The following LHX1 variants were observed in gnomAD, a reference collection of about 807,000 sequenced individuals.
LHX1 encodes LIM homeobox 1, also known as LIM/homeobox protein Lhx1.
A neutral mutation model predicts 34.1 loss-of-function variants in LHX1; 9 were observed. That is an observed-to-expected ratio of 0.26 (90% confidence interval 0.16 to 0.46). The LOEUF (loss-of-function observed/expected upper bound fraction) is 0.46, where lower values mean the gene tolerates loss of function less well. LHX1 is among the 20% of genes least tolerant of loss of function. The probability of loss-of-function intolerance (pLI) is 1.00; values close to 1 mark genes in which losing one functional copy is unlikely to be tolerated. For synonymous variants in LHX1, 254 were observed against 241.5 expected, an observed-to-expected ratio of 1.05 and a Z score of -0.48; for missense variants, 446 against 559.1, an observed-to-expected ratio of 0.80 and a Z score of 2.04.
chr17:36,944,280 A>G lies in LHX1; in HGVS notation c.*1149A>G, dbSNP rs1227653690. 1 of 151,808 alleles carries G rather than the reference A, an allele frequency of 6.6e-6. No homozygotes were observed. Among genetic ancestry groups the G allele is most frequent in the African/African-American group, 2.4e-5 (1 of 41,174 alleles). 9.4% of individuals were successfully genotyped at this position (151,808 alleles called of 1,614,324 possible). ...AGAAAGTGTTAAAAAAAAAAAAAAAAAAGTGTTACAAGATTTAAAAAAAAA... is the reference window on the plus strand; with the variant it reads ...AGAAAGTGTTAAAAAAAAAAAAAAAGAAGTGTTACAAGATTTAAAAAAAAA... On this transcript the variant is annotated 3_prime_UTR_variant, in exon 5 of 5. Transcript: ENST00000614239.
rs1597687193 is a variant in LHX1, at chr17:36,937,669, T to C, written c.-529T>C. On this transcript the variant is annotated 5_prime_UTR_variant, in exon 1 of 5. Coordinates refer to ENST00000614239, the MANE Select transcript of LHX1 (RefSeq NM_005568.5). Reference sequence around the variant, plus strand: ...AAAAAGAGGGGGGAAATCCCAGTGGTGGGCAGCCTGGCACGCACACAGTCG... The same window carrying C: ...AAAAAGAGGGGGGAAATCCCAGTGGCGGGCAGCCTGGCACGCACACAGTCG... The C allele has an allele frequency of 1.1e-5, 4 of 374,344 alleles. No homozygotes were observed. The highest frequency in any genetic ancestry group is 2.1e-5 in the Non-Finnish European group (4 of 188,166). 23.2% of individuals were successfully genotyped at this position (374,344 alleles called of 1,614,324 possible). A position where few individuals can be genotyped will look rare whatever the true frequency, so the allele number is the denominator to read the frequency against.
chr17:36,938,493 T>C (rs2070744053), intron 1 of LHX1, 126 bp downstream of exon 1: 2 of 958,666 alleles, frequency 2.1e-6, no homozygotes, highest in African/African-American at 3.2e-5. Flanking sequence ...GGCAGCCAAG[T>C]CCCGCGGGCG....
At chr17:36,942,604 T>C in intron 4 of LHX1, 148 bp from the exon 5 acceptor site, 2 of 1,006,768 alleles carry the variant, frequency 2.0e-6, no homozygotes, top group Non-Finnish European at 2.8e-6. Context: ...GCCTCCTCCC[T>C]GCACCCAGGC....
In LHX1 at chr17:36,940,148, T is replaced by C. The variant is rs1049042217; in HGVS notation, c.171-142T>C. On this transcript the variant is annotated intron_variant, in intron 1 of 4. Coordinates refer to ENST00000614239, the MANE Select transcript of LHX1 (RefSeq NM_005568.5). The stretch of plus-strand genomic sequence containing the variant: ...CTCTTTATCTCTCTCTTCCCTTCTT[T>C]CTGTGCTCCATTCCTCCTCTCCTAC... 6.2e-6 allele frequency: 4 copies of C among 647,454 alleles called. No homozygotes were observed. The African/African-American group carries it at 7.2e-5, about 12-fold the overall frequency. The allele number at this position is 647,454 out of a possible 1,614,324, so 40.1% of individuals were successfully genotyped here.
rs375450593 is a variant in LHX1, at chr17:36,942,314, C to G, written c.790C>G (p.Arg264Gly). 6 of 1,592,096 alleles carry G rather than the reference C, an allele frequency of 3.8e-6. No individual in the cohort carries two copies. The highest frequency in any genetic ancestry group is 5.1e-6 in the Non-Finnish European group (6 of 1,170,686). ...GCGCCGGATGCGGCCGCTGGTGGACCGCCTGGAGCCGGGCGAGCTCATCCC... is the reference window on the plus strand; with the variant it reads ...GCGCCGGATGCGGCCGCTGGTGGACGGCCTGGAGCCGGGCGAGCTCATCCC... The part of the protein sequence containing the change: ...SPRRMRPLVD[R>G]LEPGELIPNG... The change falls in exon 4 of 5, where the codon CGC (arginine) becomes GGC (glycine). Residue 264 changes from arginine (R) to glycine (G), a missense_variant. Physicochemically the swap from Arg to Gly is moderately radical, Grantham distance 125. This residue lies in a region of LHX1 where 235 missense variants were observed against 224.4 expected (regional missense o/e 1.05). Transcript: ENST00000614239.
intron 4 of LHX1, 67 bp from the exon 5 acceptor site, chr17:36,942,685 C>T (rs951059938): frequency 3.6e-5 from 51 of 1,418,040 alleles, no homozygotes; most frequent in Non-Finnish European, 4.5e-5. Context: ...CGCGTCTTCC[C>T]TCCCTTTCGG....
chr17:36,942,036 G>C (rs1300179913), intron 3 of LHX1, among the ~76,000 whole-genome samples, 164 bp from the exon 4 acceptor site: 1 of 152,152 alleles, frequency 6.6e-6, no homozygotes, highest in Non-Finnish European at 1.5e-5. Flanking sequence ...GCCCTGAGTG[G>C]TCCTAGTCAG....
At chr17:36,938,946 T>A (rs1244025772) in intron 1 of LHX1, 4 of 226,430 alleles carry the variant, frequency 1.8e-5, no homozygotes, top group Non-Finnish European at 9.0e-6. Flanking sequence ...AGTGCAGACC[T>A]GGACAAACTG....
Position 36,940,716 on chromosome 17 carries a change from C to A in LHX1, c.504C>A (p.Ser168Arg). 1.2e-6 allele frequency: 2 copies of A among 1,613,786 alleles called. No homozygotes were observed. The highest frequency in any genetic ancestry group is 1.7e-6 in the Non-Finnish European group (2 of 1,180,054). The stretch of plus-strand genomic sequence containing the variant: ...ACGTGTCGGACAAGGAAGCGGGTAG[C>A]AACGAGAATGACGACCAGAACCTGG... ...SANVSDKEAG[S>R]NENDDQNLGA... The change falls in exon 3 of 5, where the codon AGC (serine) becomes AGA (arginine). Residue 168 changes from serine to arginine, a missense_variant. Physicochemically the swap from Ser to Arg is moderately radical, Grantham distance 110. Around this residue, in one of 3 missense-constraint regions of LHX1, gnomAD observed 168 missense variants for 226.6 expected, o/e 0.74. Transcript: ENST00000614239.
At position 36,940,443 on chromosome 17, in the gene LHX1, C is replaced by G; in HGVS notation, c.324C>G (p.Asp108Glu). 1 of 1,614,128 alleles carries G rather than the reference C, an allele frequency of 6.2e-7. No individual in the cohort carries two copies. Among genetic ancestry groups the G allele is most frequent in the Non-Finnish European group, 8.5e-7 (1 of 1,180,042 alleles). ...LSTGEELYII[D>E]ENKFVCKEDY... Reference sequence around the variant, plus strand: ...CTGGCGAGGAACTCTACATCATCGACGAGAATAAGTTCGTCTGCAAAGAGG... The same window carrying G: ...CTGGCGAGGAACTCTACATCATCGAGGAGAATAAGTTCGTCTGCAAAGAGG... The change falls in exon 2 of 5, where the codon GAC becomes GAG. Residue 108 changes from aspartate (D) to glutamate (E), a missense_variant. By Grantham distance (45) the Asp-to-Glu change is conservative. This residue lies in a region of LHX1 where 168 missense variants were observed against 226.6 expected (regional missense o/e 0.74). Transcript: ENST00000614239.
At position 36,942,831 on chromosome 17, in the gene LHX1, A is replaced by C; in HGVS notation, c.921A>C (p.Thr307=). The C allele has an allele frequency of 6.4e-7, 1 of 1,573,828 alleles. No individual in the cohort carries two copies. The highest frequency in any genetic ancestry group is 2.3e-5 in the East Asian group (1 of 43,632). ...GCCCCCCGTCCTCGCAGGCCCAGAC[A>C]CCAGTGGACCTACCCTTCGTGCCGT... is the stretch of plus-strand genomic sequence containing the variant. ...PQGPPSSQAQ[T]PVDLPFVPSS... is the part of the protein sequence containing the mutation. The change falls in exon 5 of 5, where the codon ACA becomes ACC. Residue 307 remains threonine, a synonymous_variant. Coordinates refer to ENST00000614239, the MANE Select transcript of LHX1 (RefSeq NM_005568.5).
rs2070756467 is a variant in LHX1, at chr17:36,940,322, A to G, written c.203A>G (p.Gln68Arg). 4.6e-6 allele frequency: 6 copies of G among 1,317,074 alleles called. No homozygotes were observed. The highest frequency in any genetic ancestry group is 5.0e-6 in the Non-Finnish European group (5 of 1,005,574). The allele number at this position is 1,317,074 out of a possible 1,614,324, so 81.6% of individuals were successfully genotyped here. ...GGTACCAAATGCGCAGGCTGCGCTC[A>G]GGGCATCTCCCCTAGCGACCTGGTG... ...CFGTKCAGCA[Q>R]GISPSDLVRR... Residue 68 changes from glutamine (Q) to arginine (R), a missense_variant, in exon 2 of 5, where the codon CAG becomes CGG. Physicochemically the swap from Gln to Arg is conservative, Grantham distance 43 (BLOSUM62 1). Around this residue, in one of 3 missense-constraint regions of LHX1, gnomAD observed 168 missense variants for 226.6 expected, o/e 0.74. Transcript: ENST00000614239.
chr17:36,941,385 G>A (rs747693366), intron 3 of LHX1: 3 of 342,678 alleles, frequency 8.8e-6, no homozygotes, highest in South Asian at 2.2e-5. Context: ...TGGTTCCGCC[G>A]GGAGTCAGCT....
upstream of LHX1, chr17:36,936,938 G>A (rs1357265256): frequency 2.1e-5 from 5 of 234,462 alleles, no homozygotes; most frequent in South Asian, 1.1e-4. Flanking sequence ...GCGCCGAGCC[G>A]TTCCAGCCGC....
chr17:36,942,070 T>C (rs1567957734), intron 3 of LHX1, 130 bp from the exon 4 acceptor site: 3 of 863,624 alleles, frequency 3.5e-6, no homozygotes, highest in Non-Finnish European at 5.4e-6. Flanking sequence ...ACCACTACCC[T>C]ACACACACAC....
chr17:36,942,801 G>A lies in LHX1; in HGVS notation c.891G>A (p.Pro297=), dbSNP rs375453089. The change falls in exon 5 of 5, where the codon CCG becomes CCA. Residue 297 remains proline, a synonymous_variant. Coordinates refer to ENST00000614239, the MANE Select transcript of LHX1 (RefSeq NM_005568.5). ...YGPGGNYDFF[P]QGPPSSQAQT... ...CCGGGGGCAACTACGACTTCTTCCC[G>A]CAAGGCCCCCCGTCCTCGCAGGCCC... 1 of 1,547,392 alleles carries A rather than the reference G, an allele frequency of 6.5e-7. No homozygotes were observed. The highest frequency in any genetic ancestry group is 1.2e-5 in the South Asian group (1 of 82,740).
Position 36,941,191 on chromosome 17 carries a change from C to G in LHX1, c.675+304C>G, listed in dbSNP as rs1460117851. ...CTGGAGAGAGTGGGGAGCCCTCTTT[C>G]TGCACATACCCCACCCCACCTCGGG... On this transcript the variant is annotated intron_variant, in intron 3 of 4. Transcript: ENST00000614239. 6 of 664,512 alleles carry G rather than the reference C, an allele frequency of 9.0e-6. No individual in the cohort carries two copies. In the Admixed American group the frequency reaches 1.2e-4, roughly 14 times the overall value. 41.2% of individuals were successfully genotyped at this position (664,512 alleles called of 1,614,324 possible).
intron 1 of LHX1, among the ~76,000 whole-genome samples, chr17:36,939,027 C>G (rs1449615690): frequency 6.6e-6 from 1 of 152,186 alleles, no homozygotes; most frequent in Admixed American, 6.5e-5. Context: ...TCTGGTGGTT[C>G]GGCTTCAGCC....
At chr17:36,942,442 C>G in intron 4 of LHX1, 77 bp downstream of exon 4, 1 of 1,430,644 alleles carries the variant, frequency 7.0e-7, no homozygotes, top group South Asian at 1.2e-5. Context: ...CGCGGGGGGG[C>G]ACGCCTCGCT....
Sources: allele counts gnomAD v4.1 joint callset (sites outside exome capture counted in the v4.1 genomes callset), GRCh38; gene constraint gnomAD v4.1.1; regional missense constraint gnomAD v4.1.1; transcripts MANE v1.5; gene names NCBI Gene and HGNC (gene_info 2026-07-23, HGNC 2026-07-21).